UVSSA: variants seen among roughly 807,000 people sequenced by gnomAD.
UVSSA encodes the protein UV stimulated scaffold protein A.
UVSSA carries 72 observed loss-of-function variants against 73.9 expected under a neutral mutation model. That is an observed-to-expected ratio of 0.97 (90% CI 0.81 to 1.19). UVSSA has a LOEUF of 1.19. UVSSA is among the 50% of genes most tolerant of loss of function. The pLI, the probability that UVSSA is intolerant of heterozygous loss-of-function variation, is 0.00. For missense variants in UVSSA, 1,150 were observed against 965.0 expected (o/e 1.19, Z -2.54); for synonymous variants, 454 against 391.3 (o/e 1.16, Z -1.89).
chr4:1,381,489 A>G (rs1719497443), intron 12 of UVSSA, among the ~76,000 whole-genome samples: 1 of 152,198 alleles, frequency 6.6e-6, no homozygotes, highest in African/African-American at 2.4e-5. Context: ...GGCCCTGGAC[A>G]GCAAGGCCAC....
downstream of UVSSA, chr4:1,392,341 A>C (rs1720429429): frequency 6.6e-6 from 1 of 152,252 alleles, no homozygotes; most frequent in Non-Finnish European, 1.5e-5. Flanking sequence ...AAGATGTACA[A>C]ACAGAAATGA....
intron 7 of UVSSA, among the ~76,000 whole-genome samples, chr4:1,364,893 T>C (rs1042438449): frequency 2.6e-5 from 4 of 152,140 alleles, no homozygotes; most frequent in African/African-American, 9.7e-5. Context: ...CGCCCTGCTG[T>C]GCTGAGCCCA....
At chr4:1,355,454 G>A (rs1232016504) in intron 7 of UVSSA, among the ~76,000 whole-genome samples, 3 of 152,218 alleles carry the variant, frequency 2.0e-5, no homozygotes, top group African/African-American at 4.8e-5. Flanking sequence ...TGCAGCTGTC[G>A]GGTGTTGCCC....
intron 8 of UVSSA, among the ~76,000 whole-genome samples, chr4:1,372,705 C>CCTGCT (rs1718219722): frequency 1.0e-5 from 1 of 99,130 alleles, no homozygotes; most frequent in African/African-American, 5.4e-5. Context: ...TCCCGCATCT[C>CCTGCT]AGAGCACTCA....
chr4:1,348,463 C>A (rs925068421), intron 2 of UVSSA, among the ~76,000 whole-genome samples: 1 of 152,246 alleles, frequency 6.6e-6, no homozygotes, highest in Admixed American at 6.5e-5. Context: ...CTTGAGTGCA[C>A]AAATGTGATT....
At position 1,354,902 on chromosome 4, in the gene UVSSA, A is replaced by G. The variant is rs780783936; in HGVS notation, c.1047+55A>G. The G allele has an allele frequency of 6.7e-6, 8 of 1,196,386 alleles. No homozygotes were observed. The African/African-American group carries it at 1.6e-4, about 24-fold the overall frequency. 74.1% of individuals were successfully genotyped at this position (1,196,386 alleles called of 1,614,324 possible). A position where few individuals can be genotyped will look rare whatever the true frequency, so the allele number is the denominator to read the frequency against. ...GAGGGACGTGTGCAGAGTGCCATGC[A>G]TGGGGGGGGTCCCTTTCTTGGGGGG... is the stretch of plus-strand genomic sequence containing the variant. On this transcript the variant is annotated intron_variant, in intron 6 of 13. Transcript: ENST00000389851.
At position 1,376,124 on chromosome 4, in the gene UVSSA, G is replaced by A. The variant is rs750420910; in HGVS notation, c.1524G>A (p.Leu508=). 1.9e-6 allele frequency: 3 copies of A among 1,609,990 alleles called. No individual in the cohort carries two copies. In the Admixed American group the frequency reaches 5.0e-5, roughly 27 times the overall value. The change falls in exon 10 of 14, where the codon CTG becomes CTA. Residue 508 remains leucine (L), a synonymous_variant. Coordinates refer to ENST00000389851, the MANE Select transcript of UVSSA (RefSeq NM_020894.4). ...CTGTGGTGCCCTACGGCGTGGACCT[G>A]CACTACTGGGGCCAGGAGCTCCCCA... ...RAPVVPYGVD[L]HYWGQELPTA...
At chr4:1,371,256 CTGTG>C (rs34839757) in intron 8 of UVSSA, among the ~76,000 whole-genome samples, 26,918 of 146,454 alleles carry the variant, frequency 0.18, 2,609 homozygotes, top group African/African-American at 0.26. Flanking sequence ...GTGGGTGGAC[CTGTG>C]TGTGTGTGTG....
intron 7 of UVSSA, among the ~76,000 whole-genome samples, chr4:1,365,062 C>T (rs895309029): frequency 3.3e-5 from 5 of 152,328 alleles, no homozygotes; most frequent in East Asian, 1.9e-4. Context: ...AAGAGCTTGC[C>T]CACAGCCGCT....
Position 1,376,159 on chromosome 4 carries a change from AG to A in UVSSA, c.1560del (p.Ile521LeufsTer63). 6.2e-7 allele frequency: 1 copy of A among 1,610,078 alleles called. No homozygotes were observed. Among genetic ancestry groups the A allele is most frequent in the Non-Finnish European group, 8.5e-7 (1 of 1,178,424 alleles). ...GGCCAGGAGCTCCCCACAGCCGGGA[AG>A]ATTGTCAAGTGAGTCCCCATGTGTC... ...YWGQELPTAG[K>X]IVKSDSQHRF... On this transcript the variant is annotated frameshift_variant, in exon 10 of 14. Transcript: ENST00000389851. LOFTEE classifies it high-confidence loss of function.
In UVSSA at chr4:1,395,742, C is replaced by T. The variant is rs746378277; in HGVS notation, c.*9781C>T. ...ATGGTGGTTCTGTAGGTTTCCTGTC[C>T]TGCCGGCCGAGTCAGACGCTGTTAC... On this transcript the variant is annotated 3_prime_UTR_variant, in exon 14 of 14. Coordinates refer to the UVSSA transcript ENST00000511216. 6 of 1,614,122 alleles carry T rather than the reference C, an allele frequency of 3.7e-6. No homozygotes were observed. The African/African-American group carries it at 5.3e-5, about 14-fold the overall frequency.
chr4:1,354,777 T>A lies in UVSSA; in HGVS notation c.977T>A (p.Ile326Asn). 1 of 1,613,620 alleles carries A rather than the reference T, an allele frequency of 6.2e-7. No homozygotes were observed. The highest frequency in any genetic ancestry group is 8.5e-7 in the Non-Finnish European group (1 of 1,179,972). ...GAGAACGAGGACAACCTTGCTCTCA[T>A]CCACGCCGCCCGCGACACACTCAAG... ...VQENEDNLAL[I>N]HAARDTLKLI... Residue 326 changes from isoleucine to asparagine, a missense_variant, in exon 6 of 14, where the codon ATC (isoleucine) becomes AAC (asparagine). Transcript: ENST00000389851.
chr4:1,382,869 G>A (rs1719669537), intron 12 of UVSSA, among the ~76,000 whole-genome samples: 1 of 152,218 alleles, frequency 6.6e-6, no homozygotes, highest in Non-Finnish European at 1.5e-5. Context: ...TGCAGGAGCG[G>A]GTGCCTCTGT....
At chr4:1,354,922 G>C in intron 6 of UVSSA, 75 bp downstream of exon 6, 1 of 1,526,966 alleles carries the variant, frequency 6.5e-7, no homozygotes, top group African/African-American at 1.4e-5. Flanking sequence ...TCCCTTTCTT[G>C]GGGGGACTGT....
intron 7 of UVSSA, 183 bp from the exon 8 acceptor site, chr4:1,366,137 T>G: frequency 1.8e-6 from 1 of 551,474 alleles, no homozygotes; most frequent in African/African-American, 1.9e-5. Flanking sequence ...GGTGGTGTGA[T>G]TTTGGGGAAC....
At chr4:1,385,416 G>GC (rs916729269) in intron 13 of UVSSA, 15 of 207,274 alleles carry the variant, frequency 7.2e-5, no homozygotes, top group South Asian at 1.7e-4. Context: ...CCTGGCCCGT[G>GC]CCCCCCCTGC....
chr4:1,394,267 C>T, exon 14 of UVSSA: 1 of 774,916 alleles, frequency 1.3e-6, no homozygotes, highest in East Asian at 2.7e-5. Flanking sequence ...TCAGATCTTC[C>T]TTTCATGAGT....
Position 1,348,071 on chromosome 4 carries a change from C to T in UVSSA, c.-2-19C>T, listed in dbSNP as rs375317309. 55 of 1,584,864 alleles carry T rather than the reference C, an allele frequency of 3.5e-5. No individual in the cohort carries two copies. The highest frequency in any genetic ancestry group is 2.3e-4 in the African/African-American group (17 of 74,232). On this transcript the variant is annotated intron_variant, in intron 1 of 13. Transcript: ENST00000389851. ...AAATACAGATGGTGATATAGCATCT[C>T]TGCCTTACTTATTTCTAGATATGGA...
At chr4:1,359,866 G>C (rs114047450) in intron 7 of UVSSA, among the ~76,000 whole-genome samples, 1 of 152,156 alleles carries the variant, frequency 6.6e-6, no homozygotes, top group Non-Finnish European at 1.5e-5. Flanking sequence ...ACAGCCTCCC[G>C]GGGACCCTGT....
Sources: allele counts gnomAD v4.1 joint callset (sites outside exome capture counted in the v4.1 genomes callset), GRCh38; gene constraint gnomAD v4.1.1; transcripts MANE v1.5; gene names NCBI Gene and HGNC (gene_info 2026-07-23, HGNC 2026-07-21).